The following ZBED4 variants were observed in gnomAD, a reference collection of about 807,000 sequenced individuals.
The protein encoded by ZBED4 is zinc finger BED domain-containing protein 4.
In ZBED4, 4 loss-of-function variants were observed where a neutral mutation model predicts 15.5. The observed-to-expected ratio is 0.26, with a 90% CI of 0.13 to 0.59. The LOEUF (loss-of-function observed/expected upper bound fraction) is 0.59, where lower values mean the gene tolerates loss of function less well. Ranked by LOEUF, ZBED4 falls within the 20% of genes least tolerant of loss-of-function variation. ZBED4 has a pLI of 0.90. For missense variants in ZBED4, 1,323 were observed against 1,461.8 expected (o/e 0.91, Z 1.55); for synonymous variants, 692 against 608.5 (o/e 1.14, Z -2.02).
intron 1 of ZBED4, among the ~76,000 whole-genome samples, chr22:49,864,437 T>C (rs2060310792): frequency 6.6e-6 from 1 of 152,156 alleles, no homozygotes; most frequent in African/African-American, 2.4e-5. Context: ...AACTACAGAG[T>C]GTGTAGCCAT....
At chr22:49,866,242 G>T (rs1203874634) in intron 1 of ZBED4, among the ~76,000 whole-genome samples, 8 of 152,124 alleles carry the variant, frequency 5.3e-5, no homozygotes, top group African/African-American at 1.4e-4. Context: ...ATTCAGGAAA[G>T]GTTTTTAAGT....
At chr22:49,859,235 T>C (rs1032201218) in intron 1 of ZBED4, among the ~76,000 whole-genome samples, 19 of 152,210 alleles carry the variant, frequency 1.2e-4, no homozygotes, top group Non-Finnish European at 1.2e-4. Context: ...TCTTTCTCTT[T>C]ATTACCAATT....
In ZBED4 at chr22:49,886,922, C is replaced by T; in HGVS notation, c.3260C>T (p.Ala1087Val). 3 of 1,614,044 alleles carry T rather than the reference C, an allele frequency of 1.9e-6. No homozygotes were observed. The highest frequency in any genetic ancestry group is 1.7e-6 in the Non-Finnish European group (2 of 1,180,020). ...AAGCTGCCTGAAGCCATGGTGCTTG[C>T]GTATCTGGAGGAGGAGGTGCTTGAA... ...REKLPEAMVL[A>V]YLEEEVLEHS... Residue 1087 changes from alanine (A) to valine (V), a missense_variant, in exon 2 of 2, where the codon GCG becomes GTG. By Grantham distance (64) the Ala-to-Val change is moderately conservative. Around this residue, in one of 6 missense-constraint regions of ZBED4, gnomAD observed 312 missense variants for 410.7 expected, o/e 0.76. Coordinates refer to ENST00000216268, the MANE Select transcript of ZBED4 (RefSeq NM_014838.3). The surrounding 1 kb of genome is among the most constrained non-coding windows in gnomAD (Gnocchi z 7.7).
chr22:49,879,579 C>T (rs1462584688), intron 1 of ZBED4, among the ~76,000 whole-genome samples: 1 of 145,430 alleles, frequency 6.9e-6, no homozygotes, highest in Non-Finnish European at 1.5e-5. Flanking sequence ...GTTGGTTTTT[C>T]TCCTGGTCAG....
At chr22:49,872,141 CT>C (rs1435850447) in intron 1 of ZBED4, among the ~76,000 whole-genome samples, 1 of 152,210 alleles carries the variant, frequency 6.6e-6, no homozygotes, top group African/African-American at 2.4e-5. Context: ...AGTAGAACTT[CT>C]TTCAAAATTG....
At chr22:49,871,112 T>TA (rs1431037302) in intron 1 of ZBED4, among the ~76,000 whole-genome samples, 2 of 61,660 alleles carry the variant, frequency 3.2e-5, no homozygotes, top group African/African-American at 6.8e-5. Context: ...GGCTAATATA[T>TA]TTTTTTTTAG....
chr22:49,862,293 C>T (rs983317984), intron 1 of ZBED4, among the ~76,000 whole-genome samples: 5 of 152,160 alleles, frequency 3.3e-5, no homozygotes, highest in Admixed American at 6.5e-5. Flanking sequence ...ATTTTTTGTG[C>T]GGCGGAGGCC....
chr22:49,855,676 C>G (rs906075350), intron 1 of ZBED4, among the ~76,000 whole-genome samples: 3 of 152,100 alleles, frequency 2.0e-5, no homozygotes, highest in East Asian at 3.9e-4. Flanking sequence ...TGGTCAGTGC[C>G]GTCCTTCACT....
At chr22:49,865,196 A>C (rs1431209734) in intron 1 of ZBED4, among the ~76,000 whole-genome samples, 1 of 152,130 alleles carries the variant, frequency 6.6e-6, no homozygotes, top group African/African-American at 2.4e-5. Context: ...TACTACACTG[A>C]AGCCTGTAGG....
At chr22:49,873,264 G>A (rs369858185) in intron 1 of ZBED4, among the ~76,000 whole-genome samples, 2 of 152,210 alleles carry the variant, frequency 1.3e-5, no homozygotes, top group African/African-American at 4.8e-5. Flanking sequence ...AATGAGAGAC[G>A]TGATACTTCC....
chr22:49,883,885 T>C lies in ZBED4; in HGVS notation c.223T>C (p.Leu75=), dbSNP rs748336012. ...GCSCKPPGKY[L]SAESEDDYGA... is the part of the protein sequence containing the mutation. ...CAGCTGCAAGCCCCCGGGGAAGTAC[T>C]TGTCTGCAGAGAGTGAGGATGACTA... Residue 75 remains leucine, a synonymous_variant, in exon 2 of 2, where the codon TTG becomes CTG. Coordinates refer to ENST00000216268, the MANE Select transcript of ZBED4 (RefSeq NM_014838.3). 6.2e-7 allele frequency: 1 copy of C among 1,606,024 alleles called. No homozygotes were observed. Among genetic ancestry groups the C allele is most frequent in the Non-Finnish European group, 8.5e-7 (1 of 1,174,044 alleles).
chr22:49,882,190 C>T (rs1451411681), intron 1 of ZBED4, among the ~76,000 whole-genome samples: 1 of 152,224 alleles, frequency 6.6e-6, no homozygotes, highest in Non-Finnish European at 1.5e-5. Flanking sequence ...ACCTCTCCTG[C>T]CCATTTGCCA....
chr22:49,867,924 C>G (rs1427831570), intron 1 of ZBED4, among the ~76,000 whole-genome samples: 1 of 152,234 alleles, frequency 6.6e-6, no homozygotes, highest in Non-Finnish European at 1.5e-5. Context: ...GACACAAAGC[C>G]TGTTTTGTCA....
intron 1 of ZBED4, among the ~76,000 whole-genome samples, chr22:49,871,488 TA>T (rs923379221): frequency 2.0e-5 from 3 of 150,498 alleles, no homozygotes; most frequent in African/African-American, 7.3e-5. Flanking sequence ...GTCTCAAAAA[TA>T]AAAAAAAAGT....
chr22:49,865,919 C>T (rs2060320597), intron 1 of ZBED4, among the ~76,000 whole-genome samples: 1 of 151,248 alleles, frequency 6.6e-6, no homozygotes, highest in South Asian at 2.1e-4. Flanking sequence ...ACTATATTGC[C>T]CAGGCTGGTC....
At position 49,886,069 on chromosome 22, in the gene ZBED4, G is replaced by A; in HGVS notation, c.2407G>A (p.Val803Met). 1 of 681,892 alleles carries A rather than the reference G, an allele frequency of 1.5e-6. No homozygotes were observed. Among genetic ancestry groups the A allele is most frequent in the South Asian group, 1.7e-5 (1 of 58,266 alleles). The allele number at this position is 681,892 out of a possible 1,614,324, so 42.2% of individuals were successfully genotyped here. A position where few individuals can be genotyped will look rare whatever the true frequency, so the allele number is the denominator to read the frequency against. ...GTGGGTGACCTCCACCGGCCTTCAG[G>A]TGGGCATCACCGTCACCGACAACGC... ...EAWVTSTGLQ[V>M]GITVTDNASI... Residue 803 changes from valine to methionine, a missense_variant, in exon 2 of 2, where the codon GTG becomes ATG. Val to Met is a conservative substitution (Grantham distance 21). Around this residue, in one of 6 missense-constraint regions of ZBED4, gnomAD observed 100 missense variants for 79.3 expected, o/e 1.26. Coordinates refer to ENST00000216268, the MANE Select transcript of ZBED4 (RefSeq NM_014838.3). The surrounding 1 kb of genome is among the most constrained non-coding windows in gnomAD (Gnocchi z 7.7).
chr22:49,858,894 C>T (rs2060285883), intron 1 of ZBED4, among the ~76,000 whole-genome samples: 1 of 152,148 alleles, frequency 6.6e-6, no homozygotes, highest in African/African-American at 2.4e-5. Context: ...TGTGATCTGG[C>T]GGTGGGAGGC....
intron 1 of ZBED4, among the ~76,000 whole-genome samples, chr22:49,866,540 A>G (rs1357294604): frequency 3.9e-5 from 6 of 152,146 alleles, no homozygotes; most frequent in East Asian, 1.9e-4. Context: ...ATAATCTCAC[A>G]TCAGAATTTT....
chr22:49,887,109 C>T lies in ZBED4; in HGVS notation c.3447C>T (p.Leu1149=), dbSNP rs775049878. The change falls in exon 2 of 2, where the codon CTC becomes CTT. Residue 1149 remains leucine (L), a synonymous_variant. Coordinates refer to ENST00000216268, the MANE Select transcript of ZBED4 (RefSeq NM_014838.3). ...ACGGTAGCCTTGGCCAATCCAGGCT[C>T]ATGATGGAACATTTTGAAAAACTTA... The part of the protein sequence containing the change: ...TENGSLGQSR[L]MMEHFEKLIF... 1 of 1,612,998 alleles carries T rather than the reference C, an allele frequency of 6.2e-7. No homozygotes were observed. The highest frequency in any genetic ancestry group is 8.5e-7 in the Non-Finnish European group (1 of 1,179,780).
Sources: gnomAD v4.1 joint callset for allele counts (sites outside exome capture counted in the v4.1 genomes callset) on GRCh38, gnomAD v4.1.1 for gene constraint, gnomAD v4.1.1 regional missense constraint, Gnocchi (gnomAD v3.1) non-coding constraint, MANE v1.5 for transcripts, NCBI Gene and HGNC (gene_info 2026-07-23, HGNC 2026-07-21) for gene names.